PDSS1: variants seen among roughly 807,000 people sequenced by gnomAD.
PDSS1 encodes decaprenyl diphosphate synthase subunit 1.
Under a neutral mutation model 57.5 loss-of-function variants are expected in PDSS1, and 43 were observed. The ratio of observed to expected loss-of-function variants is 0.75; its 90% CI spans 0.59 to 0.96. PDSS1 has a LOEUF of 0.96. Among genes scored for constraint, PDSS1 ranks in the 50% least tolerant of loss-of-function variants. The probability of loss-of-function intolerance (pLI) is 0.00; values close to 1 mark genes in which losing one functional copy is unlikely to be tolerated. For missense variants in PDSS1, 438 were observed against 527.8 expected, an observed-to-expected ratio of 0.83 and a Z score of 1.67; for synonymous variants, 175 against 191.3, an observed-to-expected ratio of 0.91 and a Z score of 0.70.
At chr10:26,732,679 A>T (rs910838859) in intron 8 of PDSS1, among the ~76,000 whole-genome samples, 1 of 152,256 alleles carries the variant, frequency 6.6e-6, no homozygotes, top group Non-Finnish European at 1.5e-5. Flanking sequence ...AACAGTGCCT[A>T]GCACATAGTG....
At chr10:26,733,034 G>T (rs1836268687) in intron 8 of PDSS1, among the ~76,000 whole-genome samples, 1 of 152,150 alleles carries the variant, frequency 6.6e-6, no homozygotes, top group African/African-American at 2.4e-5. Context: ...ATTACAGTGA[G>T]CCCAGATCGT....
At chr10:26,732,870 C>T (rs1338088429) in intron 8 of PDSS1, among the ~76,000 whole-genome samples, 1 of 152,084 alleles carries the variant, frequency 6.6e-6, no homozygotes, top group African/African-American at 2.4e-5. Flanking sequence ...CCTGTAATCC[C>T]AGCACTTTGG....
At chr10:26,720,188 T>C in intron 5 of PDSS1, 30 bp from the exon 6 acceptor site, 2 of 1,612,166 alleles carry the variant, frequency 1.2e-6, no homozygotes, top group Non-Finnish European at 1.7e-6. Flanking sequence ...AGGCGGCGTC[T>C]GTTAAAAAGC....
At chr10:26,704,828 G>T (rs935668001) in intron 3 of PDSS1, 87 bp downstream of exon 3, 58 of 745,342 alleles carry the variant, frequency 7.8e-5, no homozygotes, top group Non-Finnish European at 1.2e-4. Context: ...TAGCGATGGG[G>T]AGCTCACTGT....
intron 1 of PDSS1, among the ~76,000 whole-genome samples, chr10:26,700,566 G>A (rs1275817970): frequency 6.6e-6 from 1 of 152,116 alleles, no homozygotes; most frequent in Non-Finnish European, 1.5e-5. Context: ...ATTCCCCCAT[G>A]CTGTTCTCAT....
intron 2 of PDSS1, 92 bp downstream of exon 2, chr10:26,702,286 G>A: frequency 2.6e-6 from 1 of 377,712 alleles, no homozygotes; most frequent in Non-Finnish European, 5.3e-6. Context: ...TTTGAAAAAT[G>A]AGGATATGAG....
At chr10:26,729,645 T>C (rs1836095212) in intron 8 of PDSS1, among the ~76,000 whole-genome samples, 1 of 152,188 alleles carries the variant, frequency 6.6e-6, no homozygotes, top group East Asian at 1.9e-4. Flanking sequence ...GTAGCTAGAA[T>C]TCAGTATTTA....
At chr10:26,719,023 T>C (rs1309555949) in intron 5 of PDSS1, among the ~76,000 whole-genome samples, 1 of 152,198 alleles carries the variant, frequency 6.6e-6, no homozygotes, top group Non-Finnish European at 1.5e-5. Flanking sequence ...GGAATGAGCA[T>C]TACCTTGTGC....
intron 1 of PDSS1, among the ~76,000 whole-genome samples, chr10:26,699,140 C>G (rs1834966407): frequency 6.6e-6 from 1 of 151,920 alleles, no homozygotes; most frequent in African/African-American, 2.4e-5. Context: ...TCTAAAAAAT[C>G]TAAAGCAAAA....
At chr10:26,737,366 A>G (rs767269693) in intron 10 of PDSS1, among the ~76,000 whole-genome samples, 4 of 152,174 alleles carry the variant, frequency 2.6e-5, no homozygotes, top group Non-Finnish European at 4.4e-5. Flanking sequence ...AGTAATGGCT[A>G]TCTCTGCTTT....
intron 6 of PDSS1, among the ~76,000 whole-genome samples, chr10:26,721,449 C>CACACACACACAT (rs1564426018): frequency 6.6e-6 from 1 of 151,896 alleles, no homozygotes; most frequent in Admixed American, 6.5e-5. Flanking sequence ...CACACACACA[C>CACACACACACAT]ATACATATAT....
intron 11 of PDSS1, among the ~76,000 whole-genome samples, chr10:26,743,669 G>T (rs1836706661): frequency 6.6e-6 from 1 of 152,162 alleles, no homozygotes; most frequent in African/African-American, 2.4e-5. Flanking sequence ...GAAGTTAATA[G>T]TAGCACCTAT....
chr10:26,735,620 C>T (rs1257441908), intron 10 of PDSS1, 41 bp downstream of exon 10: 1 of 1,098,574 alleles, frequency 9.1e-7, no homozygotes, highest in East Asian at 2.3e-5. Flanking sequence ...ACTGCATAGC[C>T]CCACAGAACT....
At chr10:26,709,247 A>C (rs1467402014) in intron 4 of PDSS1, among the ~76,000 whole-genome samples, 1 of 152,210 alleles carries the variant, frequency 6.6e-6, no homozygotes, top group Non-Finnish European at 1.5e-5. Flanking sequence ...AATACACTTA[A>C]ATTAAACCAA....
chr10:26,729,903 CCTTTTTTTTTTTT>C (rs1426071582), intron 8 of PDSS1, among the ~76,000 whole-genome samples: 102 of 125,366 alleles, frequency 8.1e-4, no homozygotes, highest in Non-Finnish European at 1.3e-3. Context: ...ATAGTTGGTT[CCTTTTTTTTTTTT>C]TTTTTTTTTT....
intron 11 of PDSS1, among the ~76,000 whole-genome samples, chr10:26,743,910 A>ACT (rs150763767): frequency 0.072 from 10,905 of 152,200 alleles, 417 homozygotes; most frequent in East Asian, 0.15. Context: ...GGAAAAAAAA[A>ACT]CAGGAAAAAC....
chr10:26,714,750 A>G (rs1835508950), intron 5 of PDSS1: 2 of 152,232 alleles, frequency 1.3e-5, no homozygotes, highest in African/African-American at 4.8e-5. Context: ...ATCTGTTGAT[A>G]TCAATTTTGC....
At chr10:26,704,434 G>T (rs1193681142) in intron 2 of PDSS1, among the ~76,000 whole-genome samples, 2 of 143,000 alleles carry the variant, frequency 1.4e-5, no homozygotes, top group Non-Finnish European at 2.9e-5. Flanking sequence ...GGCTTTCTTT[G>T]GGGGAAGGGA....
At chr10:26,727,954 T>C (rs1836015995) in intron 8 of PDSS1, among the ~76,000 whole-genome samples, 1 of 152,146 alleles carries the variant, frequency 6.6e-6, no homozygotes. Flanking sequence ...TTATGAATAT[T>C]TGGCAGGAAT....
Sources: allele counts gnomAD v4.1 joint callset (sites outside exome capture counted in the v4.1 genomes callset), GRCh38; gene constraint gnomAD v4.1.1; transcripts MANE v1.5; gene names NCBI Gene and HGNC (gene_info 2026-07-23, HGNC 2026-07-21).